Variants in SCHIP1 observed in about 807,000 individuals in gnomAD.
SCHIP1 encodes the protein schwannomin interacting protein 1, also known as schwannomin-interacting protein 1.
SCHIP1 carries 8 observed loss-of-function variants against 29.7 expected under a neutral mutation model. That is an observed-to-expected ratio of 0.27 (90% CI 0.16 to 0.49). The LOEUF is 0.49. Ranked by LOEUF, SCHIP1 falls within the 20% of genes least tolerant of loss-of-function variation. SCHIP1 has a pLI of 0.99. For missense variants in SCHIP1, 193 were observed against 294.6 expected, an observed-to-expected ratio of 0.66 and a Z score of 2.52; for synonymous variants, 76 against 94.9, an observed-to-expected ratio of 0.80 and a Z score of 1.16.
chr3:159,650,792 T>C, the SCHIP1 span, among the ~76,000 whole-genome samples: 23,726 of 152,188 alleles, frequency 0.16, 5,117 homozygotes, highest in African/African-American at 0.49. Flanking sequence ...AATCTATCTT[T>C]ATTGCACTGG....
the SCHIP1 span, among the ~76,000 whole-genome samples, chr3:159,554,488 G>A: frequency 1.3e-5 from 2 of 152,112 alleles, no homozygotes; most frequent in African/African-American, 4.8e-5. Context: ...AGGCTCCTTT[G>A]CCAACTGGCT....
chr3:159,763,291 G>T, the SCHIP1 span, among the ~76,000 whole-genome samples: 2 of 151,978 alleles, frequency 1.3e-5, no homozygotes, highest in Admixed American at 6.6e-5. Context: ...GTGTATGTGC[G>T]TGTGTGAGGG....
At chr3:159,628,750 T>C in the SCHIP1 span, among the ~76,000 whole-genome samples, 2 of 151,998 alleles carry the variant, frequency 1.3e-5, no homozygotes, top group South Asian at 4.1e-4. Flanking sequence ...ACAAGGTCAA[T>C]AAAACAATAT....
chr3:159,440,038 T>C, the SCHIP1 span, among the ~76,000 whole-genome samples: 244 of 152,244 alleles, frequency 1.6e-3, 1 homozygote, highest in Admixed American at 3.8e-3. Context: ...ACTTTTGGGT[T>C]TTACATTTAA....
chr3:159,773,756 G>A, the SCHIP1 span, among the ~76,000 whole-genome samples: 1 of 152,062 alleles, frequency 6.6e-6, no homozygotes, highest in Non-Finnish European at 1.5e-5. Context: ...TATATTTCTA[G>A]CAACAGAACA....
the SCHIP1 span, among the ~76,000 whole-genome samples, chr3:159,697,485 G>A: frequency 2.0e-5 from 3 of 152,168 alleles, no homozygotes; most frequent in Non-Finnish European, 2.9e-5. Context: ...TAGGTCTAGT[G>A]AGGCAAGGAC....
chr3:159,800,253 A>G, the SCHIP1 span, among the ~76,000 whole-genome samples: 3 of 152,166 alleles, frequency 2.0e-5, no homozygotes, highest in Non-Finnish European at 4.4e-5. Flanking sequence ...ACCTCCCTGA[A>G]CCCACCTTTA....
the SCHIP1 span, among the ~76,000 whole-genome samples, chr3:159,417,657 T>G: frequency 6.6e-4 from 101 of 152,334 alleles, no homozygotes; most frequent in Non-Finnish European, 4.4e-5. Context: ...ATGATGGCCC[T>G]AATTCTTCAC....
At chr3:159,838,760 G>T (rs890151454), upstream of SCHIP1, among the ~76,000 whole-genome samples, 3 of 151,964 alleles carry the variant, frequency 2.0e-5, no homozygotes, top group Non-Finnish European at 4.4e-5. Flanking sequence ...CGGGCATGGT[G>T]GTGGGCGCCT....
chr3:159,435,502 A>G, the SCHIP1 span, among the ~76,000 whole-genome samples: 1 of 152,136 alleles, frequency 6.6e-6, no homozygotes, highest in African/African-American at 2.4e-5. Flanking sequence ...GTGCCAGCAC[A>G]TGAGCTCTTG....
chr3:159,712,087 C>T, the SCHIP1 span, among the ~76,000 whole-genome samples: 1 of 152,114 alleles, frequency 6.6e-6, no homozygotes, highest in African/African-American at 2.4e-5. Flanking sequence ...GTGGCAGGAA[C>T]GCTGCTACAA....
chr3:159,614,985 C>T, the SCHIP1 span, among the ~76,000 whole-genome samples: 3 of 152,042 alleles, frequency 2.0e-5, no homozygotes, highest in Non-Finnish European at 2.9e-5. Flanking sequence ...GCACAGGTGC[C>T]GTGATAGTAG....
At chr3:159,426,372 C>A in the SCHIP1 span, among the ~76,000 whole-genome samples, 30 of 152,204 alleles carry the variant, frequency 2.0e-4, no homozygotes, top group Admixed American at 3.9e-4. Flanking sequence ...ATCCCACAGA[C>A]ATACAAACTA....
the SCHIP1 span, among the ~76,000 whole-genome samples, chr3:159,410,074 G>A: frequency 6.6e-6 from 1 of 152,096 alleles, no homozygotes. Context: ...ATATCCATAT[G>A]CAGAAGAATA....
At chr3:159,301,704 T>C in the SCHIP1 span, among the ~76,000 whole-genome samples, 2 of 152,202 alleles carry the variant, frequency 1.3e-5, no homozygotes, top group African/African-American at 4.8e-5. Context: ...TCTCTCCTGT[T>C]GCCATGTAAG....
chr3:159,378,319 C>G, the SCHIP1 span, among the ~76,000 whole-genome samples: 1 of 152,202 alleles, frequency 6.6e-6, no homozygotes, highest in South Asian at 2.1e-4. Flanking sequence ...AATAAGGTGG[C>G]ATGTAGAGGT....
chr3:159,804,878 C>A, the SCHIP1 span, among the ~76,000 whole-genome samples: 1 of 152,218 alleles, frequency 6.6e-6, no homozygotes, highest in Admixed American at 6.5e-5. Context: ...TCCTCCCACA[C>A]CTTCCGGTTG....
chr3:159,515,700 AC>A, the SCHIP1 span, among the ~76,000 whole-genome samples: 1 of 152,152 alleles, frequency 6.6e-6, no homozygotes, highest in Non-Finnish European at 1.5e-5. Context: ...CAGCAGGGAA[AC>A]TGTTGAACAT....
At chr3:159,701,793 T>C in the SCHIP1 span, among the ~76,000 whole-genome samples, 2 of 152,218 alleles carry the variant, frequency 1.3e-5, no homozygotes, top group Admixed American at 6.5e-5. Flanking sequence ...TATTTTCTCA[T>C]GCAAATAGTT....
Sources: allele counts gnomAD v4.1 joint callset (sites outside exome capture counted in the v4.1 genomes callset), GRCh38; gene constraint gnomAD v4.1.1; transcripts MANE v1.5; gene names NCBI Gene and HGNC (gene_info 2026-07-23, HGNC 2026-07-21).